KCNMB2: variants seen among roughly 807,000 people sequenced by gnomAD.
The protein encoded by KCNMB2 is potassium calcium-activated channel subfamily M regulatory beta subunit 2, also known as calcium-activated potassium channel subunit beta-2.
In KCNMB2, 9 loss-of-function variants were observed where a neutral mutation model predicts 24.5. That is an observed-to-expected ratio of 0.37 (90% CI 0.22 to 0.64). The LOEUF is 0.64. Among genes scored for constraint, KCNMB2 ranks in the 30% least tolerant of loss-of-function variants. The pLI, the probability that KCNMB2 is intolerant of heterozygous loss-of-function variation, is 0.63. For missense variants in KCNMB2, 226 were observed against 284.3 expected, an observed-to-expected ratio of 0.79 and a Z score of 1.47; for synonymous variants, 109 against 104.4, an observed-to-expected ratio of 1.04 and a Z score of -0.27.
chr3:178,628,414 T>G (rs892383724), intron 1 of KCNMB2, among the ~76,000 whole-genome samples: 2 of 152,198 alleles, frequency 1.3e-5, no homozygotes, highest in Non-Finnish European at 2.9e-5. Flanking sequence ...ATCATTTTAC[T>G]TCCTATAACA....
intron 1 of KCNMB2, among the ~76,000 whole-genome samples, chr3:178,644,400 T>C (rs908275819): frequency 5.9e-5 from 9 of 152,156 alleles, no homozygotes; most frequent in African/African-American, 2.2e-4. Flanking sequence ...AAAGTCCATG[T>C]CCTCCATGGC....
At chr3:178,606,603 T>C (rs1263772982) in intron 1 of KCNMB2, among the ~76,000 whole-genome samples, 1 of 152,126 alleles carries the variant, frequency 6.6e-6, no homozygotes, top group Non-Finnish European at 1.5e-5. Context: ...AATCATACCT[T>C]GAGTCTCACC....
At chr3:178,598,979 A>G (rs937509087) in intron 1 of KCNMB2, among the ~76,000 whole-genome samples, 1 of 152,242 alleles carries the variant, frequency 6.6e-6, no homozygotes, top group Middle Eastern at 3.4e-3. Flanking sequence ...ACTCACAGAT[A>G]GCTAGGGATC....
chr3:178,674,229 C>G (rs1379738416), intron 1 of KCNMB2, among the ~76,000 whole-genome samples: 1 of 152,046 alleles, frequency 6.6e-6, no homozygotes, highest in Non-Finnish European at 1.5e-5. Flanking sequence ...ATGACCTTAT[C>G]TAGTGCCATG....
In KCNMB2 at chr3:178,723,927, A is replaced by C. The variant is rs372781795; in HGVS notation, c.-67-83416A>C. ...TGAATCTATGTCTTTGCTATTGTGAATAGTGCCATGGTAAACATACAAGTG... is the reference window on the plus strand; with the variant it reads ...TGAATCTATGTCTTTGCTATTGTGACTAGTGCCATGGTAAACATACAAGTG... On this transcript the variant is annotated intron_variant, in intron 1 of 4. Transcript: ENST00000452583. 3.5e-4 allele frequency among the ~76,000 whole-genome samples: 54 copies of C among 152,282 alleles called. 1 individual carries two copies. The South Asian group carries it at 0.011, about 31-fold the overall frequency.
chr3:178,567,340 A>G (rs553120856), intron 1 of KCNMB2, among the ~76,000 whole-genome samples: 3 of 152,288 alleles, frequency 2.0e-5, no homozygotes, highest in African/African-American at 7.2e-5. Context: ...TTGGGGAGGA[A>G]GTCCTGAGCA....
At chr3:178,755,233 G>T (rs1231302033) in intron 1 of KCNMB2, among the ~76,000 whole-genome samples, 1 of 152,144 alleles carries the variant, frequency 6.6e-6, no homozygotes, top group Non-Finnish European at 1.5e-5. Flanking sequence ...AATGAACCTG[G>T]CATTTTGAAT....
At chr3:178,592,688 T>C (rs1290031394) in intron 1 of KCNMB2, among the ~76,000 whole-genome samples, 2 of 152,138 alleles carry the variant, frequency 1.3e-5, no homozygotes, top group Non-Finnish European at 2.9e-5. Flanking sequence ...CTATACGTTT[T>C]GGTAAACTCC....
At chr3:178,730,389 A>C in intron 1 of KCNMB2, among the ~76,000 whole-genome samples, 1 of 112,746 alleles carries the variant, frequency 8.9e-6, no homozygotes, top group African/African-American at 3.9e-5. Context: ...TATCTTTGTC[A>C]CTACTGTCCC....
chr3:178,595,446 G>A (rs1717833109), intron 1 of KCNMB2, among the ~76,000 whole-genome samples: 1 of 152,038 alleles, frequency 6.6e-6, no homozygotes, highest in Non-Finnish European at 1.5e-5. Flanking sequence ...GTTTGGCTGT[G>A]TCTCCACCCA....
At chr3:178,741,142 T>C (rs1223895271) in intron 1 of KCNMB2, among the ~76,000 whole-genome samples, 1 of 152,224 alleles carries the variant, frequency 6.6e-6, no homozygotes, top group African/African-American at 2.4e-5. Context: ...TCTTGGCATC[T>C]GTCACGTAAA....
intron 2 of KCNMB2, among the ~76,000 whole-genome samples, chr3:178,812,543 G>A (rs373835877): frequency 2.6e-5 from 4 of 151,364 alleles, no homozygotes; most frequent in African/African-American, 7.3e-5. Context: ...TTGAAATCCC[G>A]TCCTACTCCA....
chr3:178,733,557 T>A (rs918177696), intron 1 of KCNMB2, among the ~76,000 whole-genome samples: 8 of 152,176 alleles, frequency 5.3e-5, no homozygotes, highest in Admixed American at 2.0e-4. Flanking sequence ...CTCGGCTCAC[T>A]GCAACCTCCA....
At chr3:178,820,090 A>C (rs1451030601) in intron 2 of KCNMB2, among the ~76,000 whole-genome samples, 1 of 152,190 alleles carries the variant, frequency 6.6e-6, no homozygotes, top group Non-Finnish European at 1.5e-5. Context: ...TTCATACAAA[A>C]ATTTATTTAT....
At chr3:178,550,811 A>G (rs1176960964) in intron 1 of KCNMB2, among the ~76,000 whole-genome samples, 4 of 152,220 alleles carry the variant, frequency 2.6e-5, no homozygotes, top group East Asian at 3.8e-4. Flanking sequence ...CCGGCCACAC[A>G]AGGGCTTTTG....
At chr3:178,742,709 G>A (rs2108379077) in intron 1 of KCNMB2, among the ~76,000 whole-genome samples, 1 of 152,250 alleles carries the variant, frequency 6.6e-6, no homozygotes, top group Non-Finnish European at 1.5e-5. Context: ...AGTGGTAAAG[G>A]CAGAAAAACG....
chr3:178,804,994 T>A (rs1226478724), intron 1 of KCNMB2, among the ~76,000 whole-genome samples: 1 of 152,254 alleles, frequency 6.6e-6, no homozygotes, highest in Non-Finnish European at 1.5e-5. Flanking sequence ...ATTTTAGAGA[T>A]GTTCAAAAAG....
chr3:178,611,102 T>A (rs758614914), intron 1 of KCNMB2, among the ~76,000 whole-genome samples: 2 of 152,218 alleles, frequency 1.3e-5, no homozygotes, highest in Non-Finnish European at 2.9e-5. Flanking sequence ...AGTGAAGCCA[T>A]CAGGTCCCAG....
chr3:178,614,285 A>ATATGTATATGTG (rs1718615388), intron 1 of KCNMB2, among the ~76,000 whole-genome samples: 1 of 103,264 alleles, frequency 9.7e-6, no homozygotes, highest in African/African-American at 4.0e-5. Flanking sequence ...ATATATATAT[A>ATATGTATATGTG]TATATATATA....
Sources: gnomAD v4.1 joint callset for allele counts (sites outside exome capture counted in the v4.1 genomes callset) on GRCh38, gnomAD v4.1.1 for gene constraint, MANE v1.5 for transcripts, NCBI Gene and HGNC (gene_info 2026-07-23, HGNC 2026-07-21) for gene names.